IL16: variants seen among roughly 807,000 people sequenced by gnomAD.
IL16 encodes pro-interleukin-16.
Under a neutral mutation model 110.1 loss-of-function variants are expected in IL16, and 67 were observed. That is an observed-to-expected ratio of 0.61 (90% CI 0.50 to 0.75). The LOEUF (loss-of-function observed/expected upper bound fraction) is 0.75. Among genes scored for constraint, IL16 ranks in the 30% least tolerant of loss-of-function variants. The probability of loss-of-function intolerance (pLI) is 0.00; values close to 1 mark genes in which losing one functional copy is unlikely to be tolerated. For synonymous variants in IL16, 689 were observed against 662.9 expected (o/e 1.04, Z -0.61); for missense variants, 1,545 against 1,655.0 (o/e 0.93, Z 1.15).
intron 4 of IL16, among the ~76,000 whole-genome samples, chr15:81,267,694 C>T (rs1199572894): frequency 2.0e-5 from 3 of 152,138 alleles, no homozygotes; most frequent in African/African-American, 7.2e-5. Context: ...CAAAGGCCAG[C>T]AGGCTCAAGC....
intron 3 of IL16, among the ~76,000 whole-genome samples, chr15:81,260,922 C>T (rs548194960): frequency 1.3e-3 from 192 of 152,264 alleles, no homozygotes; most frequent in African/African-American, 4.4e-3. Context: ...TGGGGTTAAA[C>T]GGTAGATGTA....
At chr15:81,205,305 CAA>C (rs57956143) in intron 1 of IL16, among the ~76,000 whole-genome samples, 24,126 of 132,402 alleles carry the variant, frequency 0.18, 4,526 homozygotes, top group African/African-American at 0.48. Context: ...GACTCCATCT[CAA>C]AAAAAAAAAA....
chr15:81,279,684 A>T lies in IL16; in HGVS notation c.991A>T (p.Ser331Cys), dbSNP rs1899082064. Residue 331 changes from serine (S) to cysteine (C), a missense_variant, in exon 8 of 19, where the codon AGC becomes TGC. This residue lies in a region of IL16 where 1,185 missense variants were observed against 1,238.8 expected (regional missense o/e 0.96). Coordinates refer to ENST00000683961, the MANE Select transcript of IL16 (RefSeq NM_172217.5). ...CTCCAGCACTTGTATCACCAAGGACAGCAGCTCCTTCGCCTTGGAAAGCCC... is the reference window on the plus strand; with the variant it reads ...CTCCAGCACTTGTATCACCAAGGACTGCAGCTCCTTCGCCTTGGAAAGCCC... ...LSSSTCITKD[S>C]SSFALESPSA... 6.2e-7 allele frequency: 1 copy of T among 1,614,252 alleles called. No individual in the cohort carries two copies. The highest frequency in any genetic ancestry group is 8.5e-7 in the Non-Finnish European group (1 of 1,180,036).
chr15:81,258,773 C>CTATA (rs964112431), intron 2 of IL16, among the ~76,000 whole-genome samples: 17 of 149,792 alleles, frequency 1.1e-4, no homozygotes, highest in Admixed American at 4.7e-4. Context: ...CTCTCTCTCT[C>CTATA]TATATATATA....
chr15:81,222,834 C>G (rs1468947483), intron 1 of IL16, among the ~76,000 whole-genome samples: 1 of 151,794 alleles, frequency 6.6e-6, no homozygotes, highest in Non-Finnish European at 1.5e-5. Flanking sequence ...AGGAAGTGAT[C>G]AAAATGGAAA....
chr15:81,277,715 C>T (rs888396557), intron 6 of IL16, among the ~76,000 whole-genome samples: 3 of 152,002 alleles, frequency 2.0e-5, no homozygotes, highest in African/African-American at 7.3e-5. Context: ...CAGTGCCCAG[C>T]TAGAAAAAGA....
chr15:81,253,022 T>C (rs1897822398), intron 2 of IL16, among the ~76,000 whole-genome samples: 1 of 152,194 alleles, frequency 6.6e-6, no homozygotes, highest in South Asian at 2.1e-4. Flanking sequence ...ATATGGTAAC[T>C]CTATACTTAA....
intron 9 of IL16, among the ~76,000 whole-genome samples, chr15:81,284,787 T>C (rs903809499): frequency 1.3e-5 from 2 of 152,184 alleles, no homozygotes; most frequent in African/African-American, 4.8e-5. Flanking sequence ...TTTAATAAAA[T>C]TATATTGGAA....
chr15:81,205,527 C>A (rs934311217), intron 1 of IL16, among the ~76,000 whole-genome samples: 1 of 151,604 alleles, frequency 6.6e-6, no homozygotes, highest in East Asian at 1.9e-4. Flanking sequence ...ATGAATGAAA[C>A]CTATGATTCA....
At chr15:81,239,438 G>A (rs1897276660) in intron 2 of IL16, among the ~76,000 whole-genome samples, 1 of 152,138 alleles carries the variant, frequency 6.6e-6, no homozygotes, top group Non-Finnish European at 1.5e-5. Context: ...ACCTTTCCTG[G>A]GCTGCCTGGT....
rs779889911 is a variant in IL16 at position 81,279,756 on chromosome 15, G to C, written c.1063G>C (p.Glu355Gln). The change falls in exon 8 of 19, where the codon GAG (glutamate) becomes CAG (glutamine). Residue 355 changes from glutamate (E) to glutamine (Q), a missense_variant. This residue lies in a region of IL16 where 1,185 missense variants were observed against 1,238.8 expected (regional missense o/e 0.96). Coordinates refer to ENST00000683961, the MANE Select transcript of IL16 (RefSeq NM_172217.5). ...TAKPNYRIMV[E>Q]VSLQKEAGVG... is the part of the protein sequence containing the mutation. ...CAAGCCCAATTACAGAATCATGGTGGAGGTTTCTCTGCAGAAAGGTAGGAG... is the reference window on the plus strand; with the variant it reads ...CAAGCCCAATTACAGAATCATGGTGCAGGTTTCTCTGCAGAAAGGTAGGAG... The C allele has an allele frequency of 1.9e-6, 3 of 1,614,102 alleles. No homozygotes were observed. In the African/African-American group the frequency reaches 4.0e-5, roughly 22 times the overall value.
At position 81,301,401 on chromosome 15, in the gene IL16, T is replaced by C. The variant is rs1349952175; in HGVS notation, c.3207T>C (p.Asp1069=). 1.2e-6 allele frequency: 2 copies of C among 1,613,920 alleles called. No homozygotes were observed. The highest frequency in any genetic ancestry group is 1.7e-6 in the Non-Finnish European group (2 of 1,179,806). Residue 1069 remains aspartate, a synonymous_variant, in exon 15 of 19, where the codon GAT becomes GAC. Transcript: ENST00000683961. ...TCACGGAAGCCAAGGAAGACGATGA[T>C]GGGGACCACAGTTCCCTTCAGTCTG... ...EGLTEAKEDD[D]GDHSSLQSGQ...
intron 1 of IL16, among the ~76,000 whole-genome samples, chr15:81,204,036 A>C (rs373265399): frequency 0.085 from 12,850 of 151,032 alleles, 548 homozygotes; most frequent in Middle Eastern, 0.099. Flanking sequence ...GAGGTCCTTC[A>C]CATCCCTTGT....
intron 13 of IL16, among the ~76,000 whole-genome samples, chr15:81,298,476 G>A (rs1024926009): frequency 6.6e-6 from 1 of 152,192 alleles, no homozygotes; most frequent in African/African-American, 2.4e-5. Context: ...GTGCTCCAGG[G>A]CATGCCTGAG....
At chr15:81,307,703 G>A (rs1209676991) in intron 18 of IL16, among the ~76,000 whole-genome samples, 2 of 152,160 alleles carry the variant, frequency 1.3e-5, no homozygotes, top group African/African-American at 4.8e-5. Context: ...TTTAGGATGA[G>A]ACTGCCAGCT....
Position 81,273,109 on chromosome 15 carries a change from T to G in IL16, c.695T>G (p.Val232Gly). The change falls in exon 6 of 19, where the codon GTT (valine) becomes GGT (glycine). Residue 232 changes from valine to glycine, a missense_variant. Physicochemically the swap from Val to Gly is moderately radical, Grantham distance 109. This residue lies in a region of IL16 where 1,185 missense variants were observed against 1,238.8 expected (regional missense o/e 0.96). Transcript: ENST00000683961. ...GQAKGLGFSI[V>G]GGKDSIYGPI... ...CCCCAGGGTCTGGGCTTCAGCATCG[T>G]TGGGGGAAAAGACAGCATTTATGGC... The G allele has an allele frequency of 6.2e-7, 1 of 1,612,770 alleles. No individual in the cohort carries two copies. Among genetic ancestry groups the G allele is most frequent in the South Asian group, 1.1e-5 (1 of 91,040 alleles).
In IL16 at chr15:81,269,609, A is replaced by G. The variant is rs200683324; in HGVS notation, c.636A>G (p.Ser212=). ...AGCCATCTGGGGGCCTCCAGGCTTC[A>G]GTCATCTCCAACATCGTGCTGATGA... ...LVQPSGGLQA[S]VISNIVLMKG... Residue 212 remains serine (S), a synonymous_variant, in exon 5 of 19, where the codon TCA becomes TCG. Transcript: ENST00000683961. 119 of 1,614,024 alleles carry G rather than the reference A, an allele frequency of 7.4e-5. No individual in the cohort carries two copies. In the African/African-American group the frequency reaches 1.4e-3, roughly 20 times the overall value.
In IL16 at chr15:81,282,671, A is replaced by G. The variant is rs200651168; in HGVS notation, c.1114A>G (p.Ser372Gly). ...AGVGLGIGLC[S>G]VPYFQCISGI... ...CGTGGGCCTGGGCATCGGCCTGTGCAGCGTTCCCTACTTCCAATGCATCTC... is the reference window on the plus strand; with the variant it reads ...CGTGGGCCTGGGCATCGGCCTGTGCGGCGTTCCCTACTTCCAATGCATCTC... Residue 372 changes from serine to glycine, a missense_variant, in exon 9 of 19, where the codon AGC (serine) becomes GGC (glycine). Coordinates refer to ENST00000683961, the MANE Select transcript of IL16 (RefSeq NM_172217.5). The G allele has an allele frequency of 3.1e-6, 5 of 1,613,846 alleles. No individual in the cohort carries two copies. The highest frequency in any genetic ancestry group is 1.7e-5 in the Admixed American group (1 of 60,032).
intron 1 of IL16, among the ~76,000 whole-genome samples, chr15:81,223,978 G>A (rs555465534): frequency 1.4e-4 from 22 of 152,278 alleles, no homozygotes; most frequent in Non-Finnish European, 2.6e-4. Flanking sequence ...GATCAAAACC[G>A]AATTAATTTA....
Sources: allele counts gnomAD v4.1 joint callset (sites outside exome capture counted in the v4.1 genomes callset), GRCh38; gene constraint gnomAD v4.1.1; regional missense constraint gnomAD v4.1.1; transcripts MANE v1.5; gene names NCBI Gene and HGNC (gene_info 2026-07-23, HGNC 2026-07-21).